Variants in SCN10A observed in about 807,000 individuals in gnomAD.
The protein encoded by SCN10A is sodium channel protein type 10 subunit alpha.
Under a neutral mutation model 170.7 loss-of-function variants are expected in SCN10A, and 162 were observed. The ratio of observed to expected loss-of-function variants is 0.95; its 90% CI spans 0.84 to 1.08. The LOEUF (loss-of-function observed/expected upper bound fraction) is 1.08. Among genes scored for constraint, SCN10A ranks in the 50% least tolerant of loss-of-function variants. SCN10A has a pLI of 0.00. For synonymous variants in SCN10A, 985 were observed against 904.6 expected (o/e 1.09, Z -1.59); for missense variants, 2,527 against 2,436.9 (o/e 1.04, Z -0.78).
chr3:38,812,240 C>T (rs2064445588), intron 1 of SCN10A, among the ~76,000 whole-genome samples: 1 of 152,214 alleles, frequency 6.6e-6, no homozygotes, highest in Non-Finnish European at 1.5e-5. Flanking sequence ...ATTTTATGAA[C>T]ACTGTCATTT....
chr3:38,729,077 A>T (rs2063488720), intron 15 of SCN10A, among the ~76,000 whole-genome samples, 176 bp from the exon 16 acceptor site: 1 of 152,152 alleles, frequency 6.6e-6, no homozygotes, highest in Non-Finnish European at 1.5e-5. Context: ...AAATTACTCA[A>T]AAATATGATC....
chr3:38,774,578 GC>G (rs2064048832), intron 4 of SCN10A, among the ~76,000 whole-genome samples: 1 of 152,252 alleles, frequency 6.6e-6, no homozygotes, highest in South Asian at 2.1e-4. Context: ...CAGCCGTTGA[GC>G]CACTTGCACC....
At chr3:38,733,648 T>C (rs1469783234) in intron 15 of SCN10A, among the ~76,000 whole-genome samples, 2 of 152,146 alleles carry the variant, frequency 1.3e-5, no homozygotes, top group African/African-American at 4.8e-5. Context: ...CCCAAATAGC[T>C]GAGACTACAG....
At chr3:38,711,398 T>C (rs1414117420) in intron 23 of SCN10A, among the ~76,000 whole-genome samples, 1 of 152,230 alleles carries the variant, frequency 6.6e-6, no homozygotes, top group African/African-American at 2.4e-5. Flanking sequence ...GTTCAGAGCA[T>C]GCAAGACATC....
chr3:38,724,273 G>A (rs2063429381), intron 18 of SCN10A, among the ~76,000 whole-genome samples: 1 of 152,204 alleles, frequency 6.6e-6, no homozygotes, highest in African/African-American at 2.4e-5. Flanking sequence ...CATTCTTCAA[G>A]CTGAAGGGCT....
chr3:38,699,177 G>C (rs1193128473), intron 27 of SCN10A, among the ~76,000 whole-genome samples: 1 of 148,300 alleles, frequency 6.7e-6, no homozygotes, highest in African/African-American at 2.5e-5. Flanking sequence ...ATGACCAGCT[G>C]TCTGCACAAT....
intron 4 of SCN10A, among the ~76,000 whole-genome samples, chr3:38,784,542 A>G (rs2126052734): frequency 6.6e-6 from 1 of 152,208 alleles, no homozygotes; most frequent in East Asian, 1.9e-4. Flanking sequence ...ATGGGCAAAA[A>G]CTGGAAGCAT....
chr3:38,739,430 A>T (rs1380306515), intron 15 of SCN10A, 85 bp downstream of exon 15: 5 of 1,221,574 alleles, frequency 4.1e-6, no homozygotes, highest in Non-Finnish European at 5.7e-6. Context: ...AGGAAGGGGG[A>T]GCTGGCTGGT....
At chr3:38,737,142 T>G (rs963429479) in intron 15 of SCN10A, among the ~76,000 whole-genome samples, 2 of 150,742 alleles carry the variant, frequency 1.3e-5, no homozygotes, top group Non-Finnish European at 3.0e-5. Context: ...GGCTAATTTT[T>G]TGTATTTTTA....
intron 5 of SCN10A, among the ~76,000 whole-genome samples, chr3:38,763,911 G>A (rs2063903811): frequency 6.6e-6 from 1 of 152,202 alleles, no homozygotes; most frequent in African/African-American, 2.4e-5. Flanking sequence ...CATGTCAGGG[G>A]GGTACAAGGC....
At chr3:38,739,718 T>A in intron 14 of SCN10A, 30 bp from the exon 15 acceptor site, 1 of 1,548,708 alleles carries the variant, frequency 6.5e-7, no homozygotes, top group Non-Finnish European at 8.8e-7. Context: ...TTCATCACAG[T>A]GGGATCTGTG....
chr3:38,748,119 CTGTT>C (rs1280564557), intron 13 of SCN10A, among the ~76,000 whole-genome samples: 2 of 152,124 alleles, frequency 1.3e-5, no homozygotes, highest in African/African-American at 2.4e-5. Flanking sequence ...AAAAAACAAA[CTGTT>C]TGTATTCAAT....
At chr3:38,705,871 C>T (rs1346361703) in intron 26 of SCN10A, among the ~76,000 whole-genome samples, 1 of 152,144 alleles carries the variant, frequency 6.6e-6, no homozygotes, top group African/African-American at 2.4e-5. Context: ...TCTTAGGGTC[C>T]TCCTCTCATT....
rs753519453 is a variant in SCN10A, at chr3:38,712,226, A to G, written c.4024T>C (p.Phe1342Leu). The G allele has an allele frequency of 1.2e-6, 2 of 1,614,234 alleles. No individual in the cohort carries two copies. Among genetic ancestry groups the G allele is most frequent in the Middle Eastern group, 1.6e-4 (1 of 6,062 alleles). ...AAGTTGACTTTCACATTGACCCAGA[A>G]GAAGCTGCCAGTGGAGTTTTGAATC... ...CKIQNSTGSFFWVNVKVNFDN... is the reference protein window; with the variant it reads ...CKIQNSTGSFLWVNVKVNFDN... The change falls in exon 23 of 28, where the codon TTC (phenylalanine) becomes CTC (leucine). Residue 1342 changes from phenylalanine (F) to leucine (L), a missense_variant. By Grantham distance (22) the Phe-to-Leu change is conservative. Coordinates refer to ENST00000449082, the MANE Select transcript of SCN10A (RefSeq NM_006514.4).
At chr3:38,769,619 G>C (rs536789092) in intron 5 of SCN10A, among the ~76,000 whole-genome samples, 2 of 152,042 alleles carry the variant, frequency 1.3e-5, no homozygotes, top group Non-Finnish European at 2.9e-5. Context: ...ATCTTTTGAG[G>C]GGTGTTATTG....
chr3:38,755,691 G>C (rs1401145275), intron 11 of SCN10A, 97 bp downstream of exon 11: 4 of 1,431,176 alleles, frequency 2.8e-6, no homozygotes, highest in Non-Finnish European at 3.9e-6. Context: ...TATGCCTCCA[G>C]CTCTTTCTCT....
At chr3:38,737,730 TTCCC>T (rs1216736909) in intron 15 of SCN10A, among the ~76,000 whole-genome samples, 4 of 147,844 alleles carry the variant, frequency 2.7e-5, no homozygotes, top group East Asian at 2.0e-4. Flanking sequence ...TAGCTCGTCC[TTCCC>T]TCCCTCCCTC....
In SCN10A at chr3:38,778,349, G is replaced by C. The variant is rs1280515689; in HGVS notation, c.471-6942C>G. 2.6e-5 allele frequency among the ~76,000 whole-genome samples: 4 copies of C among 151,900 alleles called. No homozygotes were observed. The East Asian group carries it at 7.7e-4, about 29-fold the overall frequency. ...TCTCTGAAACCAGGGCATGGGGAGA[G>C]TAGGAAAGTTCTAGTCTTGCCCTTC... On this transcript the variant is annotated intron_variant, in intron 4 of 27. Coordinates refer to ENST00000449082, the MANE Select transcript of SCN10A (RefSeq NM_006514.4).
At position 38,757,112 on chromosome 3, in the gene SCN10A, T is replaced by A; in HGVS notation, c.998A>T (p.Asp333Val). The change falls in exon 9 of 28, where the codon GAT becomes GTT. Residue 333 changes from aspartate (D) to valine (V), a missense_variant. Asp to Val is a radical substitution (Grantham distance 152). Transcript: ENST00000449082. ...GGAATCAAAGCTGGTGTAGTTAAAA[T>A]CCGGGTTGTCAGAAGTTTTAAGGCA... ...YICLKTSDNPDFNYTSFDSFA... is the reference protein window; with the variant it reads ...YICLKTSDNPVFNYTSFDSFA... 3.1e-6 allele frequency: 5 copies of A among 1,613,402 alleles called. No individual in the cohort carries two copies. The highest frequency in any genetic ancestry group is 4.2e-6 in the Non-Finnish European group (5 of 1,179,680).
Sources: gnomAD v4.1 joint callset for allele counts (sites outside exome capture counted in the v4.1 genomes callset) on GRCh38, gnomAD v4.1.1 for gene constraint, MANE v1.5 for transcripts, NCBI Gene and HGNC (gene_info 2026-07-23, HGNC 2026-07-21) for gene names.